The following SRGAP1 variants were observed in gnomAD, a reference collection of about 807,000 sequenced individuals.
SRGAP1 encodes the protein SLIT-ROBO Rho GTPase-activating protein 1.
Under a neutral mutation model 121.9 loss-of-function variants are expected in SRGAP1, and 43 were observed. The ratio of observed to expected loss-of-function variants is 0.35; its 90% CI spans 0.28 to 0.46. SRGAP1 has a LOEUF of 0.46. SRGAP1 is among the 20% of genes least tolerant of loss of function. The pLI, the probability that SRGAP1 is intolerant of heterozygous loss-of-function variation, is 1.00. For synonymous variants in SRGAP1, 447 were observed against 485.4 expected, an observed-to-expected ratio of 0.92 and a Z score of 1.04; for missense variants, 1,102 against 1,350.9, an observed-to-expected ratio of 0.82 and a Z score of 2.89.
At chr12:64,099,642 A>C (rs1007301386) in intron 15 of SRGAP1, among the ~76,000 whole-genome samples, 1 of 152,142 alleles carries the variant, frequency 6.6e-6, no homozygotes, top group Non-Finnish European at 1.5e-5. Context: ...CCTCTGACCC[A>C]GCTGGAAAGA....
intron 3 of SRGAP1, among the ~76,000 whole-genome samples, chr12:63,992,637 T>C (rs2033584215): frequency 6.8e-6 from 1 of 147,668 alleles, no homozygotes; most frequent in Non-Finnish European, 1.5e-5. Context: ...TCTTGAGGAA[T>C]GGCCTGGAGA....
chr12:63,876,418 TG>T (rs1304457982), intron 1 of SRGAP1, among the ~76,000 whole-genome samples: 1 of 152,210 alleles, frequency 6.6e-6, no homozygotes, highest in Non-Finnish European at 1.5e-5. Context: ...CTACTGTAAA[TG>T]AATGTTAATC....
intron 11 of SRGAP1, among the ~76,000 whole-genome samples, chr12:64,089,203 A>G (rs2036002644): frequency 6.6e-6 from 1 of 152,014 alleles, no homozygotes; most frequent in Non-Finnish European, 1.5e-5. Context: ...CCCTTCCCTA[A>G]TCACCCCAAG....
chr12:63,975,423 G>C (rs1325881111), intron 1 of SRGAP1, among the ~76,000 whole-genome samples: 1 of 152,152 alleles, frequency 6.6e-6, no homozygotes, highest in East Asian at 1.9e-4. Flanking sequence ...CTGTCCAAAA[G>C]CCATATTGGT....
At chr12:63,861,303 T>TATATATATATA (rs528177943) in intron 1 of SRGAP1, among the ~76,000 whole-genome samples, 36 of 120,952 alleles carry the variant, frequency 3.0e-4, no homozygotes, top group East Asian at 2.0e-3. Context: ...TATATATATA[T>TATATATATATA]TTTTTTTTTT....
chr12:63,906,194 A>G (rs763509993), intron 1 of SRGAP1, among the ~76,000 whole-genome samples: 14 of 152,154 alleles, frequency 9.2e-5, no homozygotes, highest in Non-Finnish European at 2.1e-4. Flanking sequence ...GGCTCATCAC[A>G]TGTATCATGA....
intron 3 of SRGAP1, among the ~76,000 whole-genome samples, chr12:64,008,399 T>TA (rs1010650943): frequency 2.0e-5 from 3 of 152,180 alleles, no homozygotes; most frequent in Non-Finnish European, 4.4e-5. Context: ...TACCTTTACT[T>TA]ACATCCATTG....
intron 1 of SRGAP1, among the ~76,000 whole-genome samples, chr12:63,881,270 A>G (rs908219830): frequency 2.0e-5 from 3 of 152,218 alleles, no homozygotes; most frequent in African/African-American, 7.2e-5. Flanking sequence ...ACAGTAAGCC[A>G]TTTGTGGATA....
Position 64,127,642 on chromosome 12 carries a change from A to G in SRGAP1, c.2458A>G (p.Ser820Gly), listed in dbSNP as rs772247296. The G allele has an allele frequency of 3.1e-6, 5 of 1,614,060 alleles. No homozygotes were observed. The highest frequency in any genetic ancestry group is 1.1e-5 in the South Asian group (1 of 91,080). Reference sequence around the variant, plus strand: ...CCAAAAAGCCGACAGTGAGGCCAGCAGTGGGCCAGTCACGGAAGACAAGTC... The same window carrying G: ...CCAAAAAGCCGACAGTGAGGCCAGCGGTGGGCCAGTCACGGAAGACAAGTC... ...LSQKADSEAS[S>G]GPVTEDKSSS... is the part of the protein sequence containing the mutation. Residue 820 changes from serine to glycine, a missense_variant, in exon 20 of 22, where the codon AGT (serine) becomes GGT (glycine). By Grantham distance (56) the Ser-to-Gly change is moderately conservative. Coordinates refer to ENST00000355086, the MANE Select transcript of SRGAP1 (RefSeq NM_020762.4).
At chr12:63,982,576 T>C (rs2033284299) in intron 1 of SRGAP1, 1 of 152,218 alleles carries the variant, frequency 6.6e-6, no homozygotes, top group African/African-American at 2.4e-5. Context: ...TATGTATATA[T>C]TATCAGTACT....
chr12:63,858,817 C>T (rs1208053122), intron 1 of SRGAP1, among the ~76,000 whole-genome samples: 1 of 152,128 alleles, frequency 6.6e-6, no homozygotes, highest in Non-Finnish European at 1.5e-5. Flanking sequence ...ATTCTCCTGC[C>T]TCAACCTCCC....
chr12:63,856,618 T>C (rs1375634806), intron 1 of SRGAP1, among the ~76,000 whole-genome samples: 1 of 139,440 alleles, frequency 7.2e-6, no homozygotes. Context: ...TACGCAAAAC[T>C]CTATTTTTGG....
intron 1 of SRGAP1, among the ~76,000 whole-genome samples, chr12:63,956,308 G>A (rs1226179094): frequency 3.3e-5 from 5 of 152,134 alleles, no homozygotes; most frequent in East Asian, 3.9e-4. Flanking sequence ...CAAGCGATCC[G>A]TCTGCCTCAG....
rs3057149 is a variant in SRGAP1, at chr12:64,086,722, G to GAA, written c.1409-258_1409-257dup. Among the ~76,000 whole-genome samples, 326 of 120,214 alleles carry GAA rather than the reference G, an allele frequency of 2.7e-3. 1 individual carries two copies. Among genetic ancestry groups the GAA allele is most frequent in the South Asian group, 4.3e-3 (16 of 3,706 alleles). 78.9% of individuals were successfully genotyped at this position (120,214 alleles called of 152,430 possible). A position where few individuals can be genotyped will look rare whatever the true frequency, so the allele number is the denominator to read the frequency against. ...AAGCAGCTATTCTTGTTTCTTTTCT[G>GAA]AAAAAAAAAAAAAAAAAAAACACAG... On this transcript the variant is annotated intron_variant, in intron 10 of 21. Transcript: ENST00000355086.
intron 21 of SRGAP1, among the ~76,000 whole-genome samples, chr12:64,137,843 G>A (rs1462636841): frequency 2.0e-5 from 3 of 151,794 alleles, no homozygotes; most frequent in Non-Finnish European, 4.4e-5. Flanking sequence ...TGCTCCAGAT[G>A]AGTGGGAGAA....
At chr12:63,969,340 G>A (rs1002356174) in intron 1 of SRGAP1, among the ~76,000 whole-genome samples, 4 of 152,216 alleles carry the variant, frequency 2.6e-5, no homozygotes, top group South Asian at 4.1e-4. Flanking sequence ...GTCTTAAAGC[G>A]GTGGGGGTGG....
At chr12:64,110,356 A>G (rs1022542760) in intron 16 of SRGAP1, among the ~76,000 whole-genome samples, 1 of 152,186 alleles carries the variant, frequency 6.6e-6, no homozygotes, top group African/African-American at 2.4e-5. Context: ...AACCTAACTC[A>G]TCATGCATCT....
chr12:63,975,478 A>G (rs777959363), intron 1 of SRGAP1, among the ~76,000 whole-genome samples: 11 of 152,218 alleles, frequency 7.2e-5, no homozygotes, highest in Non-Finnish European at 1.2e-4. Context: ...GTAAAAAGAA[A>G]CCATTGAATA....
intron 1 of SRGAP1, among the ~76,000 whole-genome samples, chr12:63,874,802 A>G (rs1280150637): frequency 6.6e-6 from 1 of 152,112 alleles, no homozygotes; most frequent in Non-Finnish European, 1.5e-5. Context: ...GCTATGATAT[A>G]ATTACTTTTA....
Sources: gnomAD v4.1 joint callset for allele counts (sites outside exome capture counted in the v4.1 genomes callset) on GRCh38, gnomAD v4.1.1 for gene constraint, MANE v1.5 for transcripts, NCBI Gene and HGNC (gene_info 2026-07-23, HGNC 2026-07-21) for gene names.